Variants in SAXO1 observed in about 807,000 individuals in gnomAD.
SAXO1 encodes stabilizer of axonemal microtubules 1.
SAXO1 carries 21 observed loss-of-function variants against 17.5 expected under a neutral mutation model. The observed-to-expected ratio is 1.20, with a 90% CI of 0.85 to 1.72. The LOEUF (loss-of-function observed/expected upper bound fraction) is 1.72. SAXO1 is among the 40% of genes most tolerant of loss of function. The pLI is 0.00. For synonymous variants in SAXO1, 274 were observed against 216.5 expected, an observed-to-expected ratio of 1.27 and a Z score of -2.33; for missense variants, 843 against 596.0, an observed-to-expected ratio of 1.41 and a Z score of -4.32.
chr9:19,043,120 C>A (rs1013563842), intron 1 of SAXO1, among the ~76,000 whole-genome samples: 4 of 151,600 alleles, frequency 2.6e-5, no homozygotes, highest in Non-Finnish European at 5.9e-5. Flanking sequence ...TGCAGTGAAC[C>A]AAGACTGCAC....
chr9:18,973,620 A>C (rs1437452391), intron 1 of SAXO1, among the ~76,000 whole-genome samples: 1 of 152,196 alleles, frequency 6.6e-6, no homozygotes, highest in Non-Finnish European at 1.5e-5. Context: ...TGGGTGTCTC[A>C]TCTGTCAACT....
intron 1 of SAXO1, among the ~76,000 whole-genome samples, chr9:19,040,745 T>G (rs1261970975): frequency 6.6e-6 from 1 of 152,074 alleles, no homozygotes; most frequent in Non-Finnish European, 1.5e-5. Context: ...AAGGTAAACC[T>G]ATACAGACAG....
At chr9:18,998,562 C>G (rs1834109096) in intron 1 of SAXO1, among the ~76,000 whole-genome samples, 1 of 152,132 alleles carries the variant, frequency 6.6e-6, no homozygotes, top group South Asian at 2.1e-4. Context: ...TCCAGAAGAA[C>G]TTTCCCAACC....
intron 1 of SAXO1, among the ~76,000 whole-genome samples, chr9:18,991,751 G>A (rs117785582): frequency 0.022 from 3,368 of 152,166 alleles, 51 homozygotes; most frequent in Non-Finnish European, 0.03. Flanking sequence ...CACAATAAAT[G>A]TAATGTACTT....
intron 3 of SAXO1, among the ~76,000 whole-genome samples, chr9:18,930,009 G>A (rs1157129066): frequency 6.6e-6 from 1 of 152,164 alleles, no homozygotes; most frequent in Non-Finnish European, 1.5e-5. Flanking sequence ...CTAAATACAA[G>A]GCTCAGAGGA....
intron 1 of SAXO1, among the ~76,000 whole-genome samples, chr9:18,973,506 A>C (rs1477401043): frequency 6.6e-6 from 1 of 152,148 alleles, no homozygotes; most frequent in Non-Finnish European, 1.5e-5. Flanking sequence ...CAGGAATCTC[A>C]AACAAAATGC....
intron 1 of SAXO1, among the ~76,000 whole-genome samples, chr9:19,045,916 CG>C (rs1325743044): frequency 6.6e-6 from 1 of 152,058 alleles, no homozygotes; most frequent in Admixed American, 6.5e-5. Flanking sequence ...GGAGAAACCC[CG>C]TATCTACTAA....
At chr9:18,931,273 G>A (rs190648022) in intron 3 of SAXO1, among the ~76,000 whole-genome samples, 20 of 152,282 alleles carry the variant, frequency 1.3e-4, no homozygotes, top group Admixed American at 1.3e-3. Context: ...CACCCAATAT[G>A]TAGCGTTTTG....
chr9:18,997,972 T>C (rs1008220651), intron 1 of SAXO1, among the ~76,000 whole-genome samples: 2 of 152,044 alleles, frequency 1.3e-5, no homozygotes, highest in Admixed American at 1.3e-4. Context: ...GTCACCAACA[T>C]CAAAGACCAA....
At chr9:19,006,433 T>C (rs1834483685) in intron 1 of SAXO1, among the ~76,000 whole-genome samples, 2 of 152,194 alleles carry the variant, frequency 1.3e-5, no homozygotes, top group South Asian at 4.1e-4. Context: ...GATTATTCGG[T>C]CTTAAAAAGA....
chr9:19,039,689 C>T (rs1836028368), intron 1 of SAXO1, among the ~76,000 whole-genome samples: 2 of 152,154 alleles, frequency 1.3e-5, no homozygotes, highest in South Asian at 4.1e-4. Flanking sequence ...AGTCGGTTGG[C>T]TTCATTATGT....
intron 2 of SAXO1, among the ~76,000 whole-genome samples, chr9:18,949,269 G>A (rs1831924088): frequency 6.6e-6 from 1 of 152,070 alleles, no homozygotes; most frequent in Non-Finnish European, 1.5e-5. Flanking sequence ...TCTGGCCTTA[G>A]CAATATAGCA....
chr9:19,045,062 GCACTT>G (rs933170549), intron 1 of SAXO1, among the ~76,000 whole-genome samples: 3 of 151,548 alleles, frequency 2.0e-5, no homozygotes, highest in Non-Finnish European at 4.4e-5. Flanking sequence ...TGTAATCCCA[GCACTT>G]TGGGAGGCCG....
chr9:19,017,097 C>A (rs1835008436), intron 1 of SAXO1, among the ~76,000 whole-genome samples: 1 of 151,762 alleles, frequency 6.6e-6, no homozygotes, highest in African/African-American at 2.4e-5. Context: ...TTGCTTGAGC[C>A]CAGGAGTTTG....
intron 1 of SAXO1, among the ~76,000 whole-genome samples, chr9:18,965,774 T>G (rs183995050): frequency 0.01 from 1,590 of 152,350 alleles, 8 homozygotes; most frequent in Non-Finnish European, 0.017. Context: ...TGTGTGAATT[T>G]GATCCTGTCA....
At chr9:19,042,470 A>G (rs553929720) in intron 1 of SAXO1, among the ~76,000 whole-genome samples, 31 of 152,390 alleles carry the variant, frequency 2.0e-4, no homozygotes, top group Non-Finnish European at 4.3e-4. Flanking sequence ...GGGAATCAGT[A>G]TATCAAAGAG....
At chr9:18,999,883 C>T (rs184282015) in intron 1 of SAXO1, among the ~76,000 whole-genome samples, 1 of 142,542 alleles carries the variant, frequency 7.0e-6, no homozygotes, top group Non-Finnish European at 1.5e-5. Context: ...AGTGCCTCTA[C>T]CCAGCCGCCC....
At chr9:19,002,187 C>T (rs1397245769) in intron 1 of SAXO1, among the ~76,000 whole-genome samples, 1 of 152,150 alleles carries the variant, frequency 6.6e-6, no homozygotes, top group Admixed American at 6.5e-5. Flanking sequence ...CCTCCCAAGA[C>T]TAAACCAGGA....
intron 1 of SAXO1, among the ~76,000 whole-genome samples, chr9:18,969,230 C>G (rs1179071652): frequency 1.3e-5 from 2 of 152,150 alleles, no homozygotes; most frequent in African/African-American, 4.8e-5. Context: ...AAATGCAGAG[C>G]CAACAACCAA....
Sources: gnomAD v4.1 joint callset for allele counts (sites outside exome capture counted in the v4.1 genomes callset) on GRCh38, gnomAD v4.1.1 for gene constraint, MANE v1.5 for transcripts, NCBI Gene and HGNC (gene_info 2026-07-23, HGNC 2026-07-21) for gene names.